THUMPD3: variants seen among roughly 807,000 people sequenced by gnomAD.
THUMPD3 encodes tRNA (guanine(6)-N(2))-methyltransferase THUMP3.
In THUMPD3, 44 loss-of-function variants were observed where a neutral mutation model predicts 54.5. The observed-to-expected ratio is 0.81, with a 90% CI of 0.63 to 1.04. The LOEUF (loss-of-function observed/expected upper bound fraction) is 1.04, where lower values mean the gene tolerates loss of function less well. Ranked by LOEUF, THUMPD3 falls within the 50% of genes least tolerant of loss-of-function variation. The probability of loss-of-function intolerance (pLI) is 0.00; values close to 1 mark genes in which losing one functional copy is unlikely to be tolerated. For synonymous variants in THUMPD3, 196 were observed against 201.4 expected (o/e 0.97, Z 0.23); for missense variants, 604 against 601.3 (o/e 1.00, Z -0.05).
chr3:9,378,621 T>A (rs779298089), intron 6 of THUMPD3, among the ~76,000 whole-genome samples: 11 of 152,216 alleles, frequency 7.2e-5, no homozygotes, highest in Non-Finnish European at 1.3e-4. Context: ...GCAGATTATA[T>A]GATTGGGTAG....
Position 9,365,044 on chromosome 3 carries a change from T to G in THUMPD3, c.-25T>G. 1 of 1,609,838 alleles carries G rather than the reference T, an allele frequency of 6.2e-7. No individual in the cohort carries two copies. Among genetic ancestry groups the G allele is most frequent in the Non-Finnish European group, 8.5e-7 (1 of 1,177,212 alleles). ...AGTACTGCTTTTAAAGAGACAGTGT[T>G]AGGGATCTTGGAAGCACAGCCAACA... On this transcript the variant is annotated 5_prime_UTR_variant, in exon 2 of 10. Transcript: ENST00000452837.
In THUMPD3 at chr3:9,365,224, T is replaced by C. The variant is rs766997118; in HGVS notation, c.156T>C (p.Ala52=). ...ATVPTGFEQT[A]ADEVREKLGS... ...TACCTACTGGCTTTGAGCAAACAGC[T>C]GCAGATGAAGTCAGAGAGAAACTTG... The change falls in exon 2 of 10, where the codon GCT becomes GCC. Residue 52 remains alanine, a synonymous_variant. Coordinates refer to ENST00000452837, the MANE Select transcript of THUMPD3 (RefSeq NM_001114092.2). 1 of 1,614,222 alleles carries C rather than the reference T, an allele frequency of 6.2e-7. No homozygotes were observed. The highest frequency in any genetic ancestry group is 1.7e-5 in the Admixed American group (1 of 60,024).
chr3:9,380,418 G>C, intron 6 of THUMPD3, 85 bp from the exon 7 acceptor site: 1 of 908,408 alleles, frequency 1.1e-6, no homozygotes, highest in South Asian at 1.5e-5. Context: ...CTCTAGAAAA[G>C]CACTGGATTT....
rs138491257 is a variant in THUMPD3, at chr3:9,381,974, G to A, written c.1125-1225G>A. On this transcript the variant is annotated intron_variant, in intron 7 of 9. Transcript: ENST00000452837. Reference sequence around the variant, plus strand: ...TTTTTTTTGTATTTTTAGTAGAGACGGGTTTTCACCATGTTAGCCAGGATG... The same window carrying A: ...TTTTTTTTGTATTTTTAGTAGAGACAGGTTTTCACCATGTTAGCCAGGATG... 5.7e-3 allele frequency among the ~76,000 whole-genome samples: 866 copies of A among 150,854 alleles called. 13 individuals are homozygous for A. The highest frequency in any genetic ancestry group is 0.019 in the African/African-American group (784 of 41,102).
intron 5 of THUMPD3, among the ~76,000 whole-genome samples, chr3:9,375,838 G>A (rs868685011): frequency 1.3e-5 from 2 of 152,274 alleles, no homozygotes; most frequent in African/African-American, 4.8e-5. Flanking sequence ...CAGTTGTAAC[G>A]CAGTGGTATT....
chr3:9,384,165 T>C (rs768144300), intron 8 of THUMPD3, 47 bp from the exon 9 acceptor site: 6 of 1,599,566 alleles, frequency 3.8e-6, no homozygotes, highest in Non-Finnish European at 5.1e-6. Context: ...AGTCCTTCTA[T>C]TTTGTATCTT....
chr3:9,370,966 C>G, intron 3 of THUMPD3, 94 bp from the exon 4 acceptor site: 3 of 1,068,304 alleles, frequency 2.8e-6, no homozygotes, highest in Non-Finnish European at 4.1e-6. Flanking sequence ...CCAGTGTCCC[C>G]CACGGATACC....
At chr3:9,380,699 A>G in intron 7 of THUMPD3, 81 bp downstream of exon 7, 1 of 953,974 alleles carries the variant, frequency 1.0e-6, no homozygotes, top group Non-Finnish European at 1.6e-6. Flanking sequence ...TAAAACTCCC[A>G]GTGCATTGTG....
At chr3:9,374,481 C>G in intron 4 of THUMPD3, 35 bp from the exon 5 acceptor site, 1 of 1,608,314 alleles carries the variant, frequency 6.2e-7, no homozygotes. Flanking sequence ...TTGAACAATC[C>G]TAAAACTATT....
intron 6 of THUMPD3, 119 bp from the exon 7 acceptor site, chr3:9,380,384 T>C (rs879156987): frequency 1.1e-5 from 7 of 659,894 alleles, no homozygotes; most frequent in African/African-American, 1.8e-5. Context: ...AATAGCACAG[T>C]TGACAACATG....
At position 9,384,581 on chromosome 3, in the gene THUMPD3, G is replaced by A. The variant is rs371611500; in HGVS notation, c.1417G>A (p.Gly473Ser). 6.2e-6 allele frequency: 10 copies of A among 1,614,144 alleles called. No homozygotes were observed. Among genetic ancestry groups the A allele is most frequent in the Non-Finnish European group, 8.5e-6 (10 of 1,180,028 alleles). Residue 473 changes from glycine to serine, a missense_variant, in exon 10 of 10, where the codon GGT becomes AGT. Coordinates refer to ENST00000452837, the MANE Select transcript of THUMPD3 (RefSeq NM_001114092.2). ...RKVDTVWVNVGGLRAAVYVLI... is the reference protein window; with the variant it reads ...RKVDTVWVNVSGLRAAVYVLI... The stretch of plus-strand genomic sequence containing the variant: ...GGTGGATACAGTCTGGGTGAACGTT[G>A]GTGGTCTTCGTGCTGCAGTTTACGT...
chr3:9,363,593 C>T (rs1043947510), intron 1 of THUMPD3: 1 of 151,864 alleles, frequency 6.6e-6, no homozygotes, highest in African/African-American at 2.4e-5. Context: ...AGCTATGGCC[C>T]CTCCACCTCT....
At chr3:9,384,434 CCT>C (rs1458846443) in intron 9 of THUMPD3, 88 bp from the exon 10 acceptor site, 31 of 1,600,270 alleles carry the variant, frequency 1.9e-5, no homozygotes, top group Non-Finnish European at 2.4e-5. Context: ...TTTCTCTTCC[CCT>C]GAGGTTTCCT....
intron 2 of THUMPD3, among the ~76,000 whole-genome samples, chr3:9,366,568 T>C (rs2031580460): frequency 6.6e-6 from 1 of 152,246 alleles, no homozygotes; most frequent in South Asian, 2.1e-4. Flanking sequence ...CCCCTGCTTT[T>C]AACCATTGCA....
chr3:9,373,166 G>A (rs1472573385), intron 4 of THUMPD3, among the ~76,000 whole-genome samples: 1 of 152,148 alleles, frequency 6.6e-6, no homozygotes, highest in East Asian at 1.9e-4. Flanking sequence ...AGGTGATTCA[G>A]AGGAGTTTCT....
At chr3:9,373,737 A>G (rs564745871) in intron 4 of THUMPD3, among the ~76,000 whole-genome samples, 1 of 152,300 alleles carries the variant, frequency 6.6e-6, no homozygotes, top group South Asian at 2.1e-4. Context: ...CTTTTGAGAC[A>G]GGGTCTCGCT....
intron 7 of THUMPD3, 54 bp from the exon 8 acceptor site, chr3:9,383,145 G>T: frequency 2.4e-6 from 3 of 1,276,222 alleles, no homozygotes; most frequent in Non-Finnish European, 3.4e-6. Flanking sequence ...AAAAATTGTT[G>T]TAATAACTTT....
intron 8 of THUMPD3, 76 bp downstream of exon 8, chr3:9,383,385 A>C: frequency 8.4e-7 from 1 of 1,185,724 alleles, no homozygotes; most frequent in East Asian, 2.4e-5. Flanking sequence ...TCAGGAAAAA[A>C]ATCTTGAATT....
Position 9,385,199 on chromosome 3 carries a change from A to G in THUMPD3, c.*511A>G, listed in dbSNP as rs2125340035. The G allele has an allele frequency of 6.5e-6, 1 of 153,402 alleles. No homozygotes were observed. The highest frequency in any genetic ancestry group is 1.5e-5 in the Non-Finnish European group (1 of 68,794). 9.5% of individuals were successfully genotyped at this position (153,402 alleles called of 1,614,324 possible). ...TGAAGCTCTTTTGAAGTGGTAGCTT[A>G]ATTAGTATTTTGTTGAAAATACTTT... On this transcript the variant is annotated 3_prime_UTR_variant, in exon 10 of 10. Transcript: ENST00000452837.
Sources: gnomAD v4.1 joint callset for allele counts (sites outside exome capture counted in the v4.1 genomes callset) on GRCh38, gnomAD v4.1.1 for gene constraint, MANE v1.5 for transcripts, NCBI Gene and HGNC (gene_info 2026-07-23, HGNC 2026-07-21) for gene names.